FAM184A: variants seen among roughly 807,000 people sequenced by gnomAD.
The protein encoded by FAM184A is family with sequence similarity 184 member A, also known as protein FAM184A.
A neutral mutation model predicts 143.8 loss-of-function variants in FAM184A; 99 were observed. The ratio of observed to expected loss-of-function variants is 0.69; its 90% CI spans 0.58 to 0.81. The LOEUF (loss-of-function observed/expected upper bound fraction) is 0.81, where lower values mean the gene tolerates loss of function less well. Ranked by LOEUF, FAM184A falls within the 40% of genes least tolerant of loss-of-function variation. The pLI is 0.00. For synonymous variants in FAM184A, 427 were observed against 446.4 expected, an observed-to-expected ratio of 0.96 and a Z score of 0.55; for missense variants, 1,217 against 1,310.5, an observed-to-expected ratio of 0.93 and a Z score of 1.10.
At chr6:119,022,867 A>T in intron 3 of FAM184A, 78 bp downstream of exon 3, 1 of 1,545,620 alleles carries the variant, frequency 6.5e-7, no homozygotes, top group Non-Finnish European at 8.9e-7. Context: ...ACAGAGCAAG[A>T]CTCTGTCTCC....
chr6:119,117,013 C>A (rs1353150250), intron 1 of FAM184A, among the ~76,000 whole-genome samples: 1 of 152,192 alleles, frequency 6.6e-6, no homozygotes, highest in Non-Finnish European at 1.5e-5. Context: ...AGGATAGTAT[C>A]TGCATTTTAG....
chr6:119,064,469 G>C (rs148543187), intron 1 of FAM184A, among the ~76,000 whole-genome samples: 119 of 152,290 alleles, frequency 7.8e-4, no homozygotes, highest in Non-Finnish European at 1.5e-3. Context: ...GGGAGGCCAA[G>C]GCAGAAAGAC....
At chr6:119,141,946 C>A (rs936808530) in intron 1 of FAM184A, among the ~76,000 whole-genome samples, 2 of 152,216 alleles carry the variant, frequency 1.3e-5, no homozygotes, top group African/African-American at 4.8e-5. Flanking sequence ...AGGAATCACA[C>A]AACAAATCCT....
Position 118,982,993 on chromosome 6 carries a change from T to C in FAM184A, c.2089-2643A>G, listed in dbSNP as rs529448921. Among the ~76,000 whole-genome samples the C allele has an allele frequency of 2.0e-5, 3 of 152,292 alleles. No individual in the cohort carries two copies. In the South Asian group the frequency reaches 6.2e-4, roughly 32 times the overall value. Reference sequence around the variant, plus strand: ...ATCTTTGTATCTACACTCAAGAAAATAATATAAACTATGTGCAGAAAGATA... The same window carrying C: ...ATCTTTGTATCTACACTCAAGAAAACAATATAAACTATGTGCAGAAAGATA... On this transcript the variant is annotated intron_variant, in intron 9 of 17. Coordinates refer to ENST00000338891, the MANE Select transcript of FAM184A (RefSeq NM_024581.6).
chr6:119,004,115 T>TC (rs1471189416), intron 7 of FAM184A, among the ~76,000 whole-genome samples: 1 of 152,236 alleles, frequency 6.6e-6, no homozygotes, highest in African/African-American at 2.4e-5. Context: ...AAACTAGTGG[T>TC]CCGTGTGTTC....
intron 1 of FAM184A, among the ~76,000 whole-genome samples, chr6:119,056,180 TAAAAGAA>T (rs1248585283): frequency 6.6e-6 from 1 of 152,092 alleles, no homozygotes; most frequent in Admixed American, 6.5e-5. Flanking sequence ...TGTAAATACT[TAAAAGAA>T]AAAAGAGGAA....
chr6:118,975,051 A>C lies in FAM184A; in HGVS notation c.2741T>G (p.Ile914Arg). ...TATCTGTTGGTTAGATTCACTTCGT[A>C]TTCTGAGAATTTCTTTCCCCTTAAA... ...LEFKGKEILR[I>R]RSESNQQIRL... The change falls in exon 13 of 18, where the codon ATA becomes AGA. Residue 914 changes from isoleucine (I) to arginine (R), a missense_variant. Ile to Arg is a moderately conservative substitution (Grantham distance 97, BLOSUM62 -3). Transcript: ENST00000338891. 1 of 1,613,162 alleles carries C rather than the reference A, an allele frequency of 6.2e-7. No homozygotes were observed. The highest frequency in any genetic ancestry group is 8.5e-7 in the Non-Finnish European group (1 of 1,179,512).
At chr6:118,969,910 C>A (rs1783624638) in intron 14 of FAM184A, among the ~76,000 whole-genome samples, 1 of 134,798 alleles carries the variant, frequency 7.4e-6, no homozygotes, top group African/African-American at 2.8e-5. Flanking sequence ...TGGTTTTGTT[C>A]CTGCATACAC....
At position 119,023,822 on chromosome 6, in the gene FAM184A, T is replaced by TAAAAA. The variant is rs11353751; in HGVS notation, c.1014+132_1014+136dup. 9 of 415,934 alleles carry TAAAAA rather than the reference T, an allele frequency of 2.2e-5. No individual in the cohort carries two copies. The South Asian group carries it at 5.2e-4, about 24-fold the overall frequency. 25.8% of individuals were successfully genotyped at this position (415,934 alleles called of 1,614,324 possible). On this transcript the variant is annotated intron_variant, in intron 2 of 17. Coordinates refer to ENST00000338891, the MANE Select transcript of FAM184A (RefSeq NM_024581.6). ...CTCACAAAGGAAAAGCAGGAAAAGT[T>TAAAAA]AAAAAAAAAAAAAAAAAAAAGTCTA...
At chr6:119,048,585 A>G (rs929048196) in intron 1 of FAM184A, among the ~76,000 whole-genome samples, 1 of 152,192 alleles carries the variant, frequency 6.6e-6, no homozygotes, top group Admixed American at 6.5e-5. Context: ...ATACACCAAC[A>G]ACAGCCAAGC....
intron 1 of FAM184A, among the ~76,000 whole-genome samples, chr6:119,144,227 G>A (rs894568363): frequency 1.6e-4 from 24 of 150,698 alleles, no homozygotes; most frequent in Admixed American, 1.5e-3. Context: ...CCAGCTACTC[G>A]AGAGGCTGAG....
At chr6:118,984,213 T>A (rs1014120363) in intron 9 of FAM184A, among the ~76,000 whole-genome samples, 1 of 145,290 alleles carries the variant, frequency 6.9e-6, no homozygotes, top group African/African-American at 2.5e-5. Context: ...ATATTTATAT[T>A]TATATATATT....
intron 15 of FAM184A, 42 bp from the exon 16 acceptor site, chr6:118,964,813 G>A: frequency 9.4e-7 from 1 of 1,066,820 alleles, no homozygotes; most frequent in Non-Finnish European, 1.4e-6. Context: ...TATTTTCTAT[G>A]GAATATTTTA....
chr6:119,025,786 C>A (rs1306743282), intron 1 of FAM184A, among the ~76,000 whole-genome samples: 1 of 152,182 alleles, frequency 6.6e-6, no homozygotes, highest in Non-Finnish European at 1.5e-5. Flanking sequence ...AATCCAGCAG[C>A]TAAAAATCAG....
intron 3 of FAM184A, among the ~76,000 whole-genome samples, chr6:119,020,614 A>C (rs992007962): frequency 1.3e-5 from 2 of 152,244 alleles, no homozygotes; most frequent in Non-Finnish European, 2.9e-5. Flanking sequence ...TAACATAAAA[A>C]GGAAGAAGTT....
intron 1 of FAM184A, among the ~76,000 whole-genome samples, chr6:119,026,717 A>G (rs1785647512): frequency 6.6e-6 from 1 of 152,228 alleles, no homozygotes; most frequent in African/African-American, 2.4e-5. Flanking sequence ...TAGCAATAAA[A>G]TACCAAATTC....
intron 9 of FAM184A, among the ~76,000 whole-genome samples, chr6:119,000,475 G>A (rs1399519714): frequency 1.3e-5 from 2 of 152,176 alleles, no homozygotes; most frequent in Non-Finnish European, 2.9e-5. Context: ...GAAAATAATA[G>A]CTTTTGGAAA....
chr6:118,967,063 ACTT>A (rs1240733043), intron 14 of FAM184A, 111 bp from the exon 15 acceptor site: 6 of 562,986 alleles, frequency 1.1e-5, no homozygotes, highest in South Asian at 5.0e-5. Context: ...CTGAAACAAA[ACTT>A]CTTTTTTCCT....
intron 9 of FAM184A, among the ~76,000 whole-genome samples, chr6:119,002,178 G>T (rs1443794919): frequency 6.6e-6 from 1 of 152,128 alleles, no homozygotes; most frequent in Non-Finnish European, 1.5e-5. Context: ...AAAGATAATG[G>T]TAGGTTTCTG....
Sources: gnomAD v4.1 joint callset for allele counts (sites outside exome capture counted in the v4.1 genomes callset) on GRCh38, gnomAD v4.1.1 for gene constraint, MANE v1.5 for transcripts, NCBI Gene and HGNC (gene_info 2026-07-23, HGNC 2026-07-21) for gene names.